Variants in FBXL20 observed in about 807,000 individuals in gnomAD.
FBXL20 encodes the protein F-box/LRR-repeat protein 20.
Under a neutral mutation model 64.0 loss-of-function variants are expected in FBXL20, and 11 were observed. The ratio of observed to expected loss-of-function variants is 0.17; its 90% CI spans 0.11 to 0.28. The LOEUF is 0.28. FBXL20 is among the 10% of genes least tolerant of loss of function. The pLI is 1.00. For missense variants in FBXL20, 303 were observed against 526.2 expected, an observed-to-expected ratio of 0.58 and a Z score of 4.15; for synonymous variants, 184 against 189.0, an observed-to-expected ratio of 0.97 and a Z score of 0.22.
intron 2 of FBXL20, among the ~76,000 whole-genome samples, chr17:39,317,678 TTTTTTTTTTTG>T (rs71147316): frequency 6.3e-5 from 4 of 63,638 alleles, no homozygotes; most frequent in African/African-American, 3.6e-4. Flanking sequence ...TTTGACTTTG[TTTTTTTTTTTG>T]TTTTTTTTTT....
chr17:39,260,504 AAC>A lies in FBXL20; in HGVS notation c.*954_*955del, dbSNP rs2046735822. On this transcript the variant is annotated 3_prime_UTR_variant, in exon 15 of 15. Coordinates refer to ENST00000264658, the MANE Select transcript of FBXL20 (RefSeq NM_032875.3). ...AAAAGGTAGCATCTGTTTTCATCAA[AAC>A]AGTTTCTTCTCATAACTTTTCTTGC... is the stretch of plus-strand genomic sequence containing the variant. 6.6e-6 allele frequency: 1 copy of A among 152,242 alleles called. No homozygotes were observed. Among genetic ancestry groups the A allele is most frequent in the Non-Finnish European group, 1.5e-5 (1 of 68,038 alleles). 9.4% of individuals were successfully genotyped at this position (152,242 alleles called of 1,614,324 possible). A position where few individuals can be genotyped will look rare whatever the true frequency, so the allele number is the denominator to read the frequency against.
In FBXL20 at chr17:39,297,280, G is replaced by T. The variant is rs2047094570; in HGVS notation, c.330-85C>A. 4.0e-6 allele frequency: 3 copies of T among 759,354 alleles called. No homozygotes were observed. The Admixed American group carries it at 7.2e-5, about 18-fold the overall frequency. 47.0% of individuals were successfully genotyped at this position (759,354 alleles called of 1,614,324 possible). The stretch of plus-strand genomic sequence containing the variant: ...AAAGTAATAAAATATATTATTATTG[G>T]TAATATTGATTGTTGATATCTGTGA... On this transcript the variant is annotated intron_variant, in intron 5 of 14. Transcript: ENST00000264658.
chr17:39,322,997 G>A (rs1733814509), intron 2 of FBXL20, among the ~76,000 whole-genome samples: 1 of 141,528 alleles, frequency 7.1e-6, no homozygotes, highest in African/African-American at 2.6e-5. Context: ...TTGAGACAGA[G>A]TCTCACTCTG....
At chr17:39,372,993 C>T (rs2047933091) in intron 1 of FBXL20, among the ~76,000 whole-genome samples, 2 of 151,748 alleles carry the variant, frequency 1.3e-5, no homozygotes, top group Admixed American at 1.3e-4. Flanking sequence ...AATTAGACTA[C>T]TTATTTTTCT....
chr17:39,384,763 G>A (rs2048061164), intron 1 of FBXL20, among the ~76,000 whole-genome samples: 1 of 151,454 alleles, frequency 6.6e-6, no homozygotes, highest in African/African-American at 2.4e-5. Context: ...TTCAAGACCA[G>A]CCTGGCCAAC....
intron 9 of FBXL20, among the ~76,000 whole-genome samples, chr17:39,278,900 T>A (rs1191209337): frequency 6.6e-6 from 1 of 151,152 alleles, no homozygotes; most frequent in Non-Finnish European, 1.5e-5. Context: ...ATGCCTGTAA[T>A]CCTAGCACTT....
intron 1 of FBXL20, among the ~76,000 whole-genome samples, chr17:39,365,956 T>C (rs12943885): frequency 6.6e-6 from 1 of 152,138 alleles, no homozygotes; most frequent in African/African-American, 2.4e-5. Flanking sequence ...AGGAAAGAAC[T>C]AAGAGGTGGA....
At chr17:39,384,330 T>G (rs2048056197) in intron 1 of FBXL20, among the ~76,000 whole-genome samples, 1 of 151,730 alleles carries the variant, frequency 6.6e-6, no homozygotes. Flanking sequence ...GTTCAAAACC[T>G]CCTGGCCAAT....
chr17:39,269,648 G>A (rs1252426348), intron 11 of FBXL20, among the ~76,000 whole-genome samples: 9 of 152,028 alleles, frequency 5.9e-5, no homozygotes, highest in African/African-American at 1.9e-4. Context: ...ACAGGCATGC[G>A]CCACCATCAC....
rs1395386961 is a variant in FBXL20 at position 39,257,430 on chromosome 17, C to T, written c.*4030G>A. 6.6e-6 allele frequency: 1 copy of T among 152,190 alleles called. No homozygotes were observed. Among genetic ancestry groups the T allele is most frequent in the Non-Finnish European group, 1.5e-5 (1 of 68,042 alleles). The allele number at this position is 152,190 out of a possible 1,614,324, so 9.4% of individuals were successfully genotyped here. A position where few individuals can be genotyped will look rare whatever the true frequency, so the allele number is the denominator to read the frequency against. On this transcript the variant is annotated 3_prime_UTR_variant, in exon 15 of 15. Transcript: ENST00000264658. Reference sequence around the variant, plus strand: ...CTTCTGACTTACATGTCTGCTAAATCAACTTAATGAATGTGGAAATCAGAC... The same window carrying T: ...CTTCTGACTTACATGTCTGCTAAATTAACTTAATGAATGTGGAAATCAGAC...
chr17:39,287,756 T>C (rs772545869), intron 6 of FBXL20, among the ~76,000 whole-genome samples: 2 of 152,098 alleles, frequency 1.3e-5, no homozygotes, highest in Non-Finnish European at 2.9e-5. Flanking sequence ...CTAGATCCTA[T>C]GGCAAGGTTA....
chr17:39,316,161 A>G (rs575595488), intron 2 of FBXL20, among the ~76,000 whole-genome samples: 1 of 152,170 alleles, frequency 6.6e-6, no homozygotes, highest in African/African-American at 2.4e-5. Flanking sequence ...AAAGGGAGAA[A>G]ACTAGACTAA....
intron 2 of FBXL20, among the ~76,000 whole-genome samples, chr17:39,336,697 G>A (rs1298307424): frequency 6.6e-5 from 10 of 151,858 alleles, no homozygotes; most frequent in African/African-American, 1.7e-4. Context: ...GGTGGCGCAC[G>A]CCTGTAATCC....
chr17:39,264,450 C>T, intron 13 of FBXL20, 63 bp from the exon 14 acceptor site: 1 of 1,546,630 alleles, frequency 6.5e-7, no homozygotes, highest in Non-Finnish European at 8.9e-7. Context: ...TAGCCAGAGG[C>T]TTGTGTGAAT....
At chr17:39,369,800 A>G (rs1269465432) in intron 1 of FBXL20, among the ~76,000 whole-genome samples, 1 of 152,054 alleles carries the variant, frequency 6.6e-6, no homozygotes, top group Admixed American at 6.6e-5. Flanking sequence ...ACACCCCACT[A>G]CTTTTTAAAT....
At position 39,265,686 on chromosome 17, in the gene FBXL20, A is replaced by T. The variant is rs199927940; in HGVS notation, c.934-233T>A. Among the ~76,000 whole-genome samples, 1,147 of 145,240 alleles carry T rather than the reference A, an allele frequency of 7.9e-3. 11 individuals are homozygous for T. The highest frequency in any genetic ancestry group is 0.068 in the Middle Eastern group (19 of 278). On this transcript the variant is annotated intron_variant, in intron 12 of 14. Coordinates refer to ENST00000264658, the MANE Select transcript of FBXL20 (RefSeq NM_032875.3). ...CAGGACTAATTTTTTAAATTAAAAA[A>T]ATTTTTTTTTTTTTTTTGTAGAGAC...
At chr17:39,302,269 G>C (rs2047143126) in intron 3 of FBXL20, among the ~76,000 whole-genome samples, 1 of 151,864 alleles carries the variant, frequency 6.6e-6, no homozygotes, top group South Asian at 2.1e-4. Flanking sequence ...GAGTGCAGTG[G>C]CTCAATCATG....
At chr17:39,308,812 G>A (rs1465182610) in intron 2 of FBXL20, among the ~76,000 whole-genome samples, 4 of 151,808 alleles carry the variant, frequency 2.6e-5, no homozygotes, top group African/African-American at 4.8e-5. Context: ...TGATCCACCC[G>A]CCTCAGCCTC....
chr17:39,372,935 C>A (rs2047932533), intron 1 of FBXL20, among the ~76,000 whole-genome samples: 1 of 152,114 alleles, frequency 6.6e-6, no homozygotes, highest in African/African-American at 2.4e-5. Flanking sequence ...TGTTTAATAA[C>A]TCCCAAAGGA....
Sources: gnomAD v4.1 joint callset for allele counts (sites outside exome capture counted in the v4.1 genomes callset) on GRCh38, gnomAD v4.1.1 for gene constraint, MANE v1.5 for transcripts, NCBI Gene and HGNC (gene_info 2026-07-23, HGNC 2026-07-21) for gene names.